SIRT1: variants seen among roughly 807,000 people sequenced by gnomAD.
The protein encoded by SIRT1 is NAD-dependent protein deacetylase sirtuin-1.
A neutral mutation model predicts 67.9 loss-of-function variants in SIRT1; 24 were observed. That is an observed-to-expected ratio of 0.35 (90% CI 0.26 to 0.50). SIRT1 has a LOEUF of 0.50. Ranked by LOEUF, SIRT1 falls within the 20% of genes least tolerant of loss-of-function variation. The pLI is 0.98. For missense variants in SIRT1, 873 were observed against 937.2 expected, an observed-to-expected ratio of 0.93 and a Z score of 0.89; for synonymous variants, 378 against 350.7, an observed-to-expected ratio of 1.08 and a Z score of -0.87.
chr10:67,906,410 T>G lies in SIRT1; in HGVS notation c.943-380T>G, dbSNP rs1226755423. ...CTTTTTTTTTTAAATCACCCTACCTTGATATCTGTAATTTTAGTTTAAACT... is the reference window on the plus strand; with the variant it reads ...CTTTTTTTTTTAAATCACCCTACCTGGATATCTGTAATTTTAGTTTAAACT... On this transcript the variant is annotated intron_variant, in intron 4 of 8. Transcript: ENST00000212015. The G allele has an allele frequency of 4.0e-5, 38 of 955,558 alleles. No homozygotes were observed. In the East Asian group the frequency reaches 9.5e-4, roughly 24 times the overall value. The allele number at this position is 955,558 out of a possible 1,614,324, so 59.2% of individuals were successfully genotyped here.
At chr10:67,885,889 C>T (rs1842470469) in intron 1 of SIRT1, among the ~76,000 whole-genome samples, 1 of 149,936 alleles carries the variant, frequency 6.7e-6, no homozygotes, top group African/African-American at 2.5e-5. Flanking sequence ...AAACTTAACA[C>T]TTCTAGCATA....
Position 67,905,188 on chromosome 10 carries a change from A to G in SIRT1, c.943-1602A>G, listed in dbSNP as rs897286023. Reference sequence around the variant, plus strand: ...TAGTGCCTAAAATACTCTAAAAGCTATTTCCAGAGGGAGCTTTAATGAGAC... The same window carrying G: ...TAGTGCCTAAAATACTCTAAAAGCTGTTTCCAGAGGGAGCTTTAATGAGAC... On this transcript the variant is annotated intron_variant, in intron 4 of 8. Transcript: ENST00000212015. 2.0e-5 allele frequency among the ~76,000 whole-genome samples: 3 copies of G among 152,348 alleles called. No homozygotes were observed. The East Asian group carries it at 5.8e-4, about 29-fold the overall frequency.
chr10:67,909,252 G>T lies in SIRT1; in HGVS notation c.1171-4G>T. ...TACCTCAACCAAAATCTGAAAATAT[G>T]TAGGTAGTTCCTCGATGTCCTAGGT... On this transcript the variant is annotated splice_region_variant and splice_polypyrimidine_tract_variant and intron_variant, in intron 6 of 8. Transcript: ENST00000212015. 6.3e-7 allele frequency: 1 copy of T among 1,578,644 alleles called. No individual in the cohort carries two copies. The highest frequency in any genetic ancestry group is 8.6e-7 in the Non-Finnish European group (1 of 1,166,710).
intron 4 of SIRT1, among the ~76,000 whole-genome samples, chr10:67,904,676 T>C (rs959864179): frequency 6.6e-6 from 1 of 151,804 alleles, no homozygotes; most frequent in African/African-American, 2.4e-5. Flanking sequence ...AGAAACCCCG[T>C]CTCTACTAAA....
At position 67,885,299 on chromosome 10, in the gene SIRT1, C is replaced by T. The variant is rs555358982; in HGVS notation, c.430+148C>T. 22 of 1,241,128 alleles carry T rather than the reference C, an allele frequency of 1.8e-5. No individual in the cohort carries two copies. The African/African-American group carries it at 2.9e-4, about 17-fold the overall frequency. 76.9% of individuals were successfully genotyped at this position (1,241,128 alleles called of 1,614,324 possible). Reference sequence around the variant, plus strand: ...CCCGGCCCTCCGTTCAGCCGCGCTCCTCCGGGGCTGCGGTTCCTACTGCGC... The same window carrying T: ...CCCGGCCCTCCGTTCAGCCGCGCTCTTCCGGGGCTGCGGTTCCTACTGCGC... On this transcript the variant is annotated intron_variant, in intron 1 of 8. Coordinates refer to ENST00000212015, the MANE Select transcript of SIRT1 (RefSeq NM_012238.5).
intron 4 of SIRT1, among the ~76,000 whole-genome samples, chr10:67,892,981 C>G (rs1842597159): frequency 6.6e-6 from 1 of 152,202 alleles, no homozygotes; most frequent in South Asian, 2.1e-4. Context: ...TACAGCTCTG[C>G]TTTAGCATAG....
chr10:67,910,719 A>G (rs754922827), intron 7 of SIRT1, among the ~76,000 whole-genome samples: 23 of 152,200 alleles, frequency 1.5e-4, no homozygotes, highest in Non-Finnish European at 2.9e-4. Flanking sequence ...TAGTTTACCC[A>G]AAAGGGTGTG....
At chr10:67,905,522 C>T (rs1283312973) in intron 4 of SIRT1, among the ~76,000 whole-genome samples, 1 of 152,110 alleles carries the variant, frequency 6.6e-6, no homozygotes. Context: ...TTAAGTTTTA[C>T]TTAGAAGCCT....
intron 2 of SIRT1, among the ~76,000 whole-genome samples, chr10:67,887,737 C>T (rs903733889): frequency 2.6e-5 from 4 of 152,136 alleles, no homozygotes; most frequent in Non-Finnish European, 4.4e-5. Flanking sequence ...CCACTACGCC[C>T]GGCTAATTTT....
At chr10:67,893,315 A>G (rs907246781) in intron 4 of SIRT1, among the ~76,000 whole-genome samples, 1 of 152,014 alleles carries the variant, frequency 6.6e-6, no homozygotes, top group African/African-American at 2.4e-5. Context: ...ACCTCCTGAC[A>G]GGCCTCTGTG....
intron 4 of SIRT1, among the ~76,000 whole-genome samples, chr10:67,894,918 C>T (rs1015589947): frequency 8.5e-5 from 13 of 152,066 alleles, no homozygotes; most frequent in Non-Finnish European, 1.3e-4. Context: ...AAGGACGTGT[C>T]TCGTCGTGAC....
Position 67,912,979 on chromosome 10 carries a change from A to T in SIRT1, c.1863A>T (p.Arg621Ser). The change falls in exon 8 of 9, where the codon AGA becomes AGT. Residue 621 changes from arginine (R) to serine (S), a missense_variant. By Grantham distance (110) the Arg-to-Ser change is moderately radical. Transcript: ENST00000212015. ...GAACTTCAGTGGCTGGAACAGTGAGAAAATGCTGGCCTAATAGAGTGGCAA... is the reference window on the plus strand; with the variant it reads ...GAACTTCAGTGGCTGGAACAGTGAGTAAATGCTGGCCTAATAGAGTGGCAA... Reference protein sequence around the residue: ...NERTSVAGTVRKCWPNRVAKE... With the variant: ...NERTSVAGTVSKCWPNRVAKE... 6.2e-7 allele frequency: 1 copy of T among 1,613,782 alleles called. No homozygotes were observed. Among genetic ancestry groups the T allele is most frequent in the Non-Finnish European group, 8.5e-7 (1 of 1,179,938 alleles).
At chr10:67,900,680 G>A (rs1842731884) in intron 4 of SIRT1, among the ~76,000 whole-genome samples, 1 of 152,120 alleles carries the variant, frequency 6.6e-6, no homozygotes, top group Non-Finnish European at 1.5e-5. Flanking sequence ...CTGAGCTCGA[G>A]TGATTCTGCT....
intron 4 of SIRT1, among the ~76,000 whole-genome samples, chr10:67,904,665 GAGAAACCCCGTCTCT>G (rs1842794570): frequency 6.6e-6 from 1 of 151,830 alleles, no homozygotes; most frequent in Non-Finnish European, 1.5e-5. Context: ...GACCAACATG[GAGAAACCCCGTCTCT>G]ACTAAAAATA....
chr10:67,885,295 GCTC>G (rs969225853), intron 1 of SIRT1, 144 bp downstream of exon 1: 2 of 1,241,174 alleles, frequency 1.6e-6, no homozygotes, highest in Admixed American at 8.5e-5. Context: ...GTTCAGCCGC[GCTC>G]CTCCGGGGCT....
chr10:67,912,487 T>C lies in SIRT1; in HGVS notation c.1371T>C (p.His457=), dbSNP rs1430461800. 9 of 1,608,740 alleles carry C rather than the reference T, an allele frequency of 5.6e-6. No homozygotes were observed. The highest frequency in any genetic ancestry group is 1.7e-5 in the Admixed American group (1 of 58,962). ...ACCCTATTTTAGGTTCCATACCCCATGAAGTGCCTCAGATATTAATTAATA... is the reference window on the plus strand; with the variant it reads ...ACCCTATTTTAGGTTCCATACCCCACGAAGTGCCTCAGATATTAATTAATA... ...PVALIPSSIP[H]EVPQILINRE... is the part of the protein sequence containing the mutation. Residue 457 remains histidine, a synonymous_variant, in exon 8 of 9, where the codon CAT becomes CAC. Transcript: ENST00000212015.
In SIRT1 at chr10:67,912,609, C is replaced by T; in HGVS notation, c.1493C>T (p.Ala498Val). Residue 498 changes from alanine to valine, a missense_variant, in exon 8 of 9, where the codon GCC (alanine) becomes GTC (valine). Ala to Val is a moderately conservative substitution (Grantham distance 64). Coordinates refer to ENST00000212015, the MANE Select transcript of SIRT1 (RefSeq NM_012238.5). Reference protein sequence around the residue: ...ELCHRLGGEYAKLCCNPVKLS... With the variant: ...ELCHRLGGEYVKLCCNPVKLS... ...TGTCATAGGTTAGGTGGTGAATATG[C>T]CAAACTTTGCTGTAACCCTGTAAAG... is the stretch of plus-strand genomic sequence containing the variant. 6.2e-7 allele frequency: 1 copy of T among 1,613,998 alleles called. No homozygotes were observed. Among genetic ancestry groups the T allele is most frequent in the Non-Finnish European group, 8.5e-7 (1 of 1,180,008 alleles).
rs554088243 is a variant in SIRT1, at chr10:67,888,236, C to G, written c.548-646C>G. On this transcript the variant is annotated intron_variant, in intron 2 of 8. Coordinates refer to ENST00000212015, the MANE Select transcript of SIRT1 (RefSeq NM_012238.5). ...TCTTGAAAGTGGATCTTTTTGTGTTCTCACTCTTACAAATGGCTTGATTAT... is the reference window on the plus strand; with the variant it reads ...TCTTGAAAGTGGATCTTTTTGTGTTGTCACTCTTACAAATGGCTTGATTAT... 6.6e-5 allele frequency among the ~76,000 whole-genome samples: 10 copies of G among 152,246 alleles called. No homozygotes were observed. The East Asian group carries it at 1.7e-3, about 26-fold the overall frequency.
chr10:67,905,483 T>C (rs181709994), intron 4 of SIRT1, among the ~76,000 whole-genome samples: 63 of 152,356 alleles, frequency 4.1e-4, no homozygotes, highest in African/African-American at 1.3e-3. Context: ...CATGTGTACA[T>C]GTATGTGATA....
Sources: gnomAD v4.1 joint callset for allele counts (sites outside exome capture counted in the v4.1 genomes callset) on GRCh38, gnomAD v4.1.1 for gene constraint, MANE v1.5 for transcripts, NCBI Gene and HGNC (gene_info 2026-07-23, HGNC 2026-07-21) for gene names.